INVS: variants seen among roughly 807,000 people sequenced by gnomAD.
The protein encoded by INVS is inversin, also known as inversion of embryo turning homolog.
INVS carries 86 observed loss-of-function variants against 108.8 expected under a neutral mutation model. That is an observed-to-expected ratio of 0.79 (90% CI 0.66 to 0.95). INVS has a LOEUF of 0.95. Among genes scored for constraint, INVS ranks in the 40% least tolerant of loss-of-function variants. The pLI is 0.00. For missense variants in INVS, 1,169 were observed against 1,297.4 expected, an observed-to-expected ratio of 0.90 and a Z score of 1.52; for synonymous variants, 455 against 473.5, an observed-to-expected ratio of 0.96 and a Z score of 0.51.
At chr9:100,176,745 G>A (rs1829724819) in intron 3 of INVS, among the ~76,000 whole-genome samples, 1 of 152,100 alleles carries the variant, frequency 6.6e-6, no homozygotes, top group South Asian at 2.1e-4. Flanking sequence ...CAAAGTGCTA[G>A]GATTACACCA....
At chr9:100,146,066 G>A (rs1279534906) in intron 3 of INVS, among the ~76,000 whole-genome samples, 1 of 145,392 alleles carries the variant, frequency 6.9e-6, no homozygotes, top group Admixed American at 6.8e-5. Context: ...GAGGACAGGG[G>A]ATTGATCTCC....
intron 16 of INVS, among the ~76,000 whole-genome samples, chr9:100,299,939 TTA>T (rs1833914182): frequency 6.6e-6 from 1 of 152,190 alleles, no homozygotes; most frequent in Admixed American, 6.5e-5. Context: ...TTTGTTACTT[TTA>T]AAAACTACTA....
rs140706545 is a variant in INVS, at chr9:100,292,564, G to A, written c.2307G>A (p.Pro769=). ...GGCGGGCAGCTGCAAGCCTTCCACC[G>A]CACGATAGCCACTGGAAGCCCAGCA... ...DSRRAAASLP[P]HDSHWKPSRR... The change falls in exon 14 of 17, where the codon CCG becomes CCA. Residue 769 remains proline (P), a synonymous_variant. Coordinates refer to ENST00000262457, the MANE Select transcript of INVS (RefSeq NM_014425.5). 61 of 1,613,982 alleles carry A rather than the reference G, an allele frequency of 3.8e-5. No individual in the cohort carries two copies. The highest frequency in any genetic ancestry group is 1.1e-4 in the South Asian group (10 of 91,086).
chr9:100,291,559 C>T (rs1833615560), intron 13 of INVS, among the ~76,000 whole-genome samples: 1 of 152,124 alleles, frequency 6.6e-6, no homozygotes, highest in African/African-American at 2.4e-5. Context: ...TTTCAGAGGA[C>T]TCCGTTGTGC....
intron 2 of INVS, among the ~76,000 whole-genome samples, chr9:100,104,956 A>C (rs1827124403): frequency 6.6e-6 from 1 of 152,170 alleles, no homozygotes; most frequent in Non-Finnish European, 1.5e-5. Flanking sequence ...TTTAATATAT[A>C]CCCAAAGTAT....
chr9:100,242,768 TACA>T (rs1224592968), intron 7 of INVS, 89 bp downstream of exon 7: 13 of 791,898 alleles, frequency 1.6e-5, no homozygotes, highest in Admixed American at 5.3e-5. Flanking sequence ...TAGGAAATAA[TACA>T]ACAAGATTGC....
chr9:100,145,062 C>T (rs980762262), intron 3 of INVS, among the ~76,000 whole-genome samples: 2 of 152,022 alleles, frequency 1.3e-5, no homozygotes, highest in African/African-American at 2.4e-5. Flanking sequence ...TGGGGTCAAG[C>T]GGCATTGTAG....
Position 100,198,264 on chromosome 9 carries a change from A to ATTTT in INVS, c.274-27750_274-27747dup, listed in dbSNP as rs66710233. On this transcript the variant is annotated intron_variant, in intron 3 of 16. Coordinates refer to ENST00000262457, the MANE Select transcript of INVS (RefSeq NM_014425.5). Reference sequence around the variant, plus strand: ...ACACATTTGAAGATTGAGGGCTAGAATTTTTTTTTTTTTTTTTTTTTTTTT... The same window carrying ATTTT: ...ACACATTTGAAGATTGAGGGCTAGAATTTTTTTTTTTTTTTTTTTTTTTTTTTTT... Among the ~76,000 whole-genome samples the ATTTT allele has an allele frequency of 3.7e-4, 24 of 65,280 alleles. 2 individuals are homozygous for ATTTT. The highest frequency in any genetic ancestry group is 6.1e-4 in the South Asian group (1 of 1,644). 42.8% of individuals were successfully genotyped at this position (65,280 alleles called of 152,430 possible). A position where few individuals can be genotyped will look rare whatever the true frequency, so the allele number is the denominator to read the frequency against.
chr9:100,267,187 A>G (rs1241472862), intron 11 of INVS, among the ~76,000 whole-genome samples: 2 of 152,156 alleles, frequency 1.3e-5, no homozygotes, highest in Non-Finnish European at 2.9e-5. Context: ...TATATGCTAA[A>G]CCTTGAATAT....
intron 2 of INVS, among the ~76,000 whole-genome samples, chr9:100,110,007 C>T (rs551770134): frequency 3.3e-5 from 5 of 152,298 alleles, no homozygotes; most frequent in African/African-American, 7.2e-5. Flanking sequence ...TATTTAGATA[C>T]GGAAGTGAGC....
chr9:100,292,441 G>A lies in INVS; in HGVS notation c.2184G>A (p.Glu728=), dbSNP rs752236692. ...GVPSVEKSRG[E]TAGDERCAKG... ...CCTCTGTTGAGAAGTCCAGAGGTGAGACAGCTGGCGATGAGCGGTGTGCAA... is the reference window on the plus strand; with the variant it reads ...CCTCTGTTGAGAAGTCCAGAGGTGAAACAGCTGGCGATGAGCGGTGTGCAA... The change falls in exon 14 of 17, where the codon GAG becomes GAA. Residue 728 remains glutamate (E), a synonymous_variant. Coordinates refer to ENST00000262457, the MANE Select transcript of INVS (RefSeq NM_014425.5). 2 of 1,614,184 alleles carry A rather than the reference G, an allele frequency of 1.2e-6. No homozygotes were observed. The highest frequency in any genetic ancestry group is 4.5e-5 in the East Asian group (2 of 44,864).
intron 3 of INVS, among the ~76,000 whole-genome samples, chr9:100,173,936 ATTTAGAGTTTGGGTTC>A (rs1167752358): frequency 6.6e-6 from 1 of 152,348 alleles, no homozygotes; most frequent in East Asian, 1.9e-4. Flanking sequence ...GAAAAACATA[ATTTAGAGTTTGGGTTC>A]AGCCAAGGTA....
At chr9:100,161,388 A>AAAAC (rs1564138798) in intron 3 of INVS, among the ~76,000 whole-genome samples, 4 of 139,046 alleles carry the variant, frequency 2.9e-5, no homozygotes, top group African/African-American at 8.8e-5. Context: ...AAAAAAAAAA[A>AAAAC]AAAACCTCAT....
chr9:100,117,461 T>C, intron 2 of INVS: 2 of 787,192 alleles, frequency 2.5e-6, no homozygotes, highest in South Asian at 2.7e-5. Context: ...CATGCACTCC[T>C]TATCCTCGGC....
chr9:100,225,561 G>A (rs1264589414), intron 3 of INVS, among the ~76,000 whole-genome samples: 2 of 152,134 alleles, frequency 1.3e-5, no homozygotes, highest in Non-Finnish European at 1.5e-5. Context: ...TAGGTACTAT[G>A]TTGGTCAAAA....
At chr9:100,131,534 T>C (rs895594185) in intron 3 of INVS, among the ~76,000 whole-genome samples, 1 of 152,152 alleles carries the variant, frequency 6.6e-6, no homozygotes. Flanking sequence ...AAGAAAGCAA[T>C]TGGTCATACC....
chr9:100,272,833 A>T (rs772783772), intron 11 of INVS, 31 bp from the exon 12 acceptor site: 24 of 1,226,956 alleles, frequency 2.0e-5, no homozygotes, highest in Middle Eastern at 2.0e-4. Context: ...TTCTAAAATT[A>T]AAAAAAAAAG....
chr9:100,232,567 C>T (rs151273323), intron 5 of INVS, among the ~76,000 whole-genome samples: 2,068 of 152,278 alleles, frequency 0.014, 36 homozygotes, highest in African/African-American at 0.048. Context: ...CAGCTTTCTG[C>T]ATATGGCCAG....
At chr9:100,146,827 C>T (rs952405544) in intron 3 of INVS, among the ~76,000 whole-genome samples, 10 of 152,002 alleles carry the variant, frequency 6.6e-5, no homozygotes, top group Non-Finnish European at 1.0e-4. Flanking sequence ...GTGTATATAC[C>T]GCAATTTATT....
Sources: gnomAD v4.1 joint callset for allele counts (sites outside exome capture counted in the v4.1 genomes callset) on GRCh38, gnomAD v4.1.1 for gene constraint, MANE v1.5 for transcripts, NCBI Gene and HGNC (gene_info 2026-07-23, HGNC 2026-07-21) for gene names.